SEC24B: variants seen among roughly 807,000 people sequenced by gnomAD.
SEC24B encodes the protein SEC24 homolog B, COPII component.
In SEC24B, 45 loss-of-function variants were observed where a neutral mutation model predicts 142.8. The ratio of observed to expected loss-of-function variants is 0.32; its 90% CI spans 0.25 to 0.40. The LOEUF (loss-of-function observed/expected upper bound fraction) is 0.40. Ranked by LOEUF, SEC24B falls within the 10% of genes least tolerant of loss-of-function variation. The probability of loss-of-function intolerance (pLI) is 1.00; values close to 1 mark genes in which losing one functional copy is unlikely to be tolerated. For synonymous variants in SEC24B, 574 were observed against 568.2 expected, an observed-to-expected ratio of 1.01 and a Z score of -0.15; for missense variants, 1,409 against 1,526.8, an observed-to-expected ratio of 0.92 and a Z score of 1.29.
intron 5 of SEC24B, among the ~76,000 whole-genome samples, chr4:109,492,702 A>G (rs1735140604): frequency 6.6e-6 from 1 of 152,164 alleles, no homozygotes; most frequent in African/African-American, 2.4e-5. Context: ...AGATCTATAG[A>G]AACCTAGAAA....
intron 6 of SEC24B, 80 bp from the exon 7 acceptor site, chr4:109,506,248 A>G (rs1455306733): frequency 2.0e-6 from 2 of 1,000,896 alleles, no homozygotes; most frequent in African/African-American, 1.7e-5. Context: ...CTTTTTCTGT[A>G]TGTTGAGATA....
intron 3 of SEC24B, among the ~76,000 whole-genome samples, chr4:109,474,889 C>T (rs78262578): frequency 0.019 from 2,919 of 152,262 alleles, 95 homozygotes; most frequent in African/African-American, 0.067. Flanking sequence ...ATTTATTGAG[C>T]ACATACAATA....
chr4:109,497,056 G>A (rs74433592), intron 6 of SEC24B, among the ~76,000 whole-genome samples: 10,937 of 152,288 alleles, frequency 0.072, 561 homozygotes, highest in African/African-American at 0.14. Flanking sequence ...TGGCCAAATC[G>A]GGCCCACTGC....
chr4:109,536,938 C>T (rs1579018286), intron 22 of SEC24B, among the ~76,000 whole-genome samples: 1 of 151,272 alleles, frequency 6.6e-6, no homozygotes, highest in Non-Finnish European at 1.5e-5. Flanking sequence ...TATTTGGTAA[C>T]AATAAATAAA....
intron 1 of SEC24B, among the ~76,000 whole-genome samples, chr4:109,436,803 T>A (rs1233950813): frequency 1.3e-5 from 2 of 152,202 alleles, no homozygotes; most frequent in East Asian, 3.9e-4. Context: ...ACAGTAAGAT[T>A]TGGTGACCTT....
chr4:109,477,140 T>TA (rs759331468), intron 3 of SEC24B, among the ~76,000 whole-genome samples: 647 of 55,908 alleles, frequency 0.012, 5 homozygotes, highest in East Asian at 0.022. Context: ...CCGTCTCAAA[T>TA]AAAAAAAAAA....
intron 3 of SEC24B, among the ~76,000 whole-genome samples, chr4:109,475,349 A>G (rs539449679): frequency 7.2e-5 from 11 of 152,212 alleles, no homozygotes; most frequent in Non-Finnish European, 1.5e-4. Flanking sequence ...GCTTCTTCGA[A>G]TTGTGCAGTG....
intron 14 of SEC24B, among the ~76,000 whole-genome samples, chr4:109,522,034 T>A (rs10155127): frequency 0.31 from 46,209 of 147,242 alleles, 11,751 homozygotes; most frequent in African/African-American, 0.71. Flanking sequence ...CCCGGCTGCC[T>A]GAGAGTTTTT....
chr4:109,466,220 A>G (rs1201018042), intron 2 of SEC24B, among the ~76,000 whole-genome samples: 1 of 152,196 alleles, frequency 6.6e-6, no homozygotes, highest in African/African-American at 2.4e-5. Context: ...GATTTAAAAT[A>G]TTCCTTGGAA....
intron 1 of SEC24B, among the ~76,000 whole-genome samples, chr4:109,460,883 A>G (rs1731190132): frequency 6.6e-6 from 1 of 151,848 alleles, no homozygotes; most frequent in Admixed American, 6.6e-5. Flanking sequence ...CACTAGAGTA[A>G]AACATGGTTT....
chr4:109,518,227 CCCT>C (rs1723192262), intron 11 of SEC24B, among the ~76,000 whole-genome samples: 2 of 152,126 alleles, frequency 1.3e-5, no homozygotes, highest in South Asian at 4.1e-4. Context: ...GGCTCTAATT[CCCT>C]CCTCTGTGTC....
intron 3 of SEC24B, among the ~76,000 whole-genome samples, chr4:109,476,517 T>C (rs1733156931): frequency 2.0e-5 from 3 of 152,246 alleles, no homozygotes; most frequent in Admixed American, 1.3e-4. Flanking sequence ...ATACATATAA[T>C]TGCTGAGAAA....
At chr4:109,451,832 C>T (rs1730124877) in intron 1 of SEC24B, among the ~76,000 whole-genome samples, 1 of 152,148 alleles carries the variant, frequency 6.6e-6, no homozygotes, top group Admixed American at 6.5e-5. Context: ...CTATCTGTAT[C>T]TGTATTACCT....
chr4:109,511,637 A>G (rs1199752815), intron 8 of SEC24B, among the ~76,000 whole-genome samples: 1 of 152,232 alleles, frequency 6.6e-6, no homozygotes, highest in Non-Finnish European at 1.5e-5. Context: ...GCAGTCAACA[A>G]AGACAAAGGT....
intron 6 of SEC24B, among the ~76,000 whole-genome samples, chr4:109,495,954 A>G (rs916648748): frequency 2.6e-5 from 4 of 152,044 alleles, no homozygotes; most frequent in Non-Finnish European, 2.9e-5. Flanking sequence ...TAACTCCTAT[A>G]TCACTGCTGC....
chr4:109,526,352 C>A lies in SEC24B; in HGVS notation c.2918C>A (p.Thr973Asn). The change falls in exon 17 of 24, where the codon ACT (threonine) becomes AAT (asparagine). Residue 973 changes from threonine to asparagine, a missense_variant. Thr to Asn is a moderately conservative substitution (Grantham distance 65, BLOSUM62 0). This residue lies in a region of SEC24B where 700 missense variants were observed against 853.3 expected (regional missense o/e 0.82). Transcript: ENST00000265175. ...TCAATTGAAGAAAGTTTAACAGATA[C>A]TTCCTTAGTATGTTTTCAAACAGCC... Reference protein sequence around the residue: ...QLSIEESLTDTSLVCFQTALL... With the variant: ...QLSIEESLTDNSLVCFQTALL... 6.2e-7 allele frequency: 1 copy of A among 1,613,786 alleles called. No individual in the cohort carries two copies. Among genetic ancestry groups the A allele is most frequent in the Non-Finnish European group, 8.5e-7 (1 of 1,179,804 alleles).
At chr4:109,482,950 A>G (rs1314429088) in intron 4 of SEC24B, among the ~76,000 whole-genome samples, 5 of 50,644 alleles carry the variant, frequency 9.9e-5, no homozygotes, top group African/African-American at 3.0e-4. Flanking sequence ...ATATATATAT[A>G]TATATATATA....
At chr4:109,534,082 G>A (rs553446347) in intron 22 of SEC24B, among the ~76,000 whole-genome samples, 49 of 149,042 alleles carry the variant, frequency 3.3e-4, no homozygotes, top group Non-Finnish European at 2.8e-4. Context: ...TTGCTCTGTC[G>A]CCCAGATTGT....
intron 4 of SEC24B, among the ~76,000 whole-genome samples, chr4:109,482,979 T>TATATATATATACACACACACAC (rs781527364): frequency 1.5e-4 from 4 of 26,410 alleles, no homozygotes; most frequent in Non-Finnish European, 3.0e-4. Flanking sequence ...TATATATATA[T>TATATATATATACACACACACAC]ACACACACAC....
Sources: gnomAD v4.1 joint callset for allele counts (sites outside exome capture counted in the v4.1 genomes callset) on GRCh38, gnomAD v4.1.1 for gene constraint, gnomAD v4.1.1 regional missense constraint, MANE v1.5 for transcripts, NCBI Gene and HGNC (gene_info 2026-07-23, HGNC 2026-07-21) for gene names.